The following KLHL20 variants were observed in gnomAD, a reference collection of about 807,000 sequenced individuals.
The protein encoded by KLHL20 is kelch like family member 20.
KLHL20 carries 29 observed loss-of-function variants against 69.5 expected under a neutral mutation model. That is an observed-to-expected ratio of 0.42 (90% CI 0.31 to 0.57). KLHL20 has a LOEUF of 0.57. KLHL20 is among the 20% of genes least tolerant of loss of function. The pLI is 0.18. For synonymous variants in KLHL20, 253 were observed against 265.2 expected (o/e 0.95, Z 0.45); for missense variants, 419 against 776.0 (o/e 0.54, Z 5.47).
chr1:173,773,668 A>G (rs1206151028), intron 8 of KLHL20, among the ~76,000 whole-genome samples: 1 of 152,110 alleles, frequency 6.6e-6, no homozygotes, highest in African/African-American at 2.4e-5. Context: ...AAAATACATC[A>G]GAGGCATTTC....
At chr1:173,761,511 A>C (rs1188414551) in intron 7 of KLHL20, among the ~76,000 whole-genome samples, 1 of 152,204 alleles carries the variant, frequency 6.6e-6, no homozygotes, top group African/African-American at 2.4e-5. Context: ...AATAAACTTA[A>C]GAAAATTGAA....
intron 5 of KLHL20, 77 bp from the exon 6 acceptor site, chr1:173,755,846 A>G (rs965036039): frequency 2.2e-6 from 2 of 921,592 alleles, no homozygotes; most frequent in African/African-American, 3.4e-5. Flanking sequence ...GCCAACCTAT[A>G]TATTCCTAAA....
At chr1:173,757,294 T>A in intron 7 of KLHL20, 135 bp downstream of exon 7, 1 of 767,178 alleles carries the variant, frequency 1.3e-6, no homozygotes, top group Admixed American at 2.9e-5. Flanking sequence ...CAAGTTAGTA[T>A]GATACACAAA....
chr1:173,716,729 A>C (rs774179059), intron 2 of KLHL20, among the ~76,000 whole-genome samples: 8 of 152,114 alleles, frequency 5.3e-5, no homozygotes, highest in Non-Finnish European at 8.8e-5. Context: ...TGGTTTTTAC[A>C]TTTGTTTTCT....
intron 2 of KLHL20, among the ~76,000 whole-genome samples, chr1:173,727,573 A>G (rs1049357545): frequency 6.6e-5 from 10 of 152,246 alleles, no homozygotes; most frequent in African/African-American, 2.2e-4. Flanking sequence ...TCTACAAGCC[A>G]GAAGACAGTG....
intron 2 of KLHL20, among the ~76,000 whole-genome samples, chr1:173,730,175 T>C (rs1298062055): frequency 1.3e-5 from 2 of 151,810 alleles, no homozygotes; most frequent in African/African-American, 4.8e-5. Context: ...ATGTGAAGGA[T>C]CTCTTCAAGG....
In KLHL20 at chr1:173,727,661, G is replaced by A. The variant is rs188955541; in HGVS notation, c.24-6052G>A. Among the ~76,000 whole-genome samples the A allele has an allele frequency of 5.8e-3, 877 of 152,266 alleles. 8 individuals are homozygous for A. Among genetic ancestry groups the A allele is most frequent in the African/African-American group, 0.02 (838 of 41,546 alleles). On this transcript the variant is annotated intron_variant, in intron 2 of 11. Transcript: ENST00000209884. ...TATCCAGCCAAACTAAGCTTCATAA[G>A]TGAAGGAGAAATAAGATCCTTTACA...
At chr1:173,731,029 A>G (rs1363590231) in intron 2 of KLHL20, among the ~76,000 whole-genome samples, 5 of 152,188 alleles carry the variant, frequency 3.3e-5, no homozygotes, top group Admixed American at 6.5e-5. Flanking sequence ...TACAAGAAAA[A>G]AACAACCCCA....
intron 10 of KLHL20, among the ~76,000 whole-genome samples, chr1:173,777,534 G>GGGT (rs1648549268): frequency 2.0e-5 from 3 of 152,158 alleles, no homozygotes; most frequent in Non-Finnish European, 4.4e-5. Context: ...TCTAAATGAT[G>GGGT]CTATCTGTGG....
chr1:173,782,281 T>C (rs112700895), intron 11 of KLHL20, 51 bp downstream of exon 11: 1 of 1,379,278 alleles, frequency 7.3e-7, no homozygotes, highest in Non-Finnish European at 1.0e-6. Context: ...TTGGAAATCA[T>C]GGGCTTGAAA....
chr1:173,759,059 A>G (rs1673680623), intron 7 of KLHL20, among the ~76,000 whole-genome samples: 1 of 152,096 alleles, frequency 6.6e-6, no homozygotes, highest in Non-Finnish European at 1.5e-5. Flanking sequence ...TGGGAGTGAG[A>G]CCAGCCCTTC....
intron 3 of KLHL20, 34 bp from the exon 4 acceptor site, chr1:173,751,730 G>A: frequency 6.2e-7 from 1 of 1,605,824 alleles, no homozygotes; most frequent in Non-Finnish European, 8.5e-7. Flanking sequence ...TGTGATCACA[G>A]GATTTTTTTT....
chr1:173,766,118 A>G (rs771649550), intron 7 of KLHL20, 28 bp from the exon 8 acceptor site: 13 of 1,535,304 alleles, frequency 8.5e-6, no homozygotes, highest in Middle Eastern at 1.8e-4. Flanking sequence ...GTGTAATACA[A>G]ACTCTCCTCT....
intron 3 of KLHL20, among the ~76,000 whole-genome samples, chr1:173,745,258 G>A (rs1426359965): frequency 1.2e-4 from 17 of 142,458 alleles, no homozygotes; most frequent in African/African-American, 3.9e-4. Context: ...TGCAACCTCC[G>A]TTCAAGCAAT....
intron 3 of KLHL20, among the ~76,000 whole-genome samples, chr1:173,736,627 A>C (rs1672547739): frequency 6.7e-6 from 1 of 149,322 alleles, no homozygotes; most frequent in South Asian, 2.1e-4. Context: ...ACAGAGTCTC[A>C]CTGTGTTGCC....
At chr1:173,774,559 T>C in intron 9 of KLHL20, 121 bp downstream of exon 9, 1 of 1,112,518 alleles carries the variant, frequency 9.0e-7, no homozygotes, top group Middle Eastern at 3.0e-4. Flanking sequence ...ATGCCTGATT[T>C]TTCCCTCCAG....
chr1:173,780,214 G>A (rs1046495284), intron 10 of KLHL20, among the ~76,000 whole-genome samples: 1 of 152,216 alleles, frequency 6.6e-6, no homozygotes, highest in East Asian at 1.9e-4. Context: ...CCTGTTAAGT[G>A]TTCGCTGTGT....
At chr1:173,779,328 G>T (rs1648695653) in intron 10 of KLHL20, among the ~76,000 whole-genome samples, 1 of 149,576 alleles carries the variant, frequency 6.7e-6, no homozygotes, top group Non-Finnish European at 1.5e-5. Context: ...TTTAATTAGA[G>T]AATAATTTTT....
chr1:173,734,457 T>G (rs1558189444), intron 3 of KLHL20, 171 bp downstream of exon 3: 1 of 646,816 alleles, frequency 1.5e-6, no homozygotes, highest in African/African-American at 1.8e-5. Flanking sequence ...GGCAATTTTG[T>G]GTTCTACCAG....
Sources: gnomAD v4.1 joint callset for allele counts (sites outside exome capture counted in the v4.1 genomes callset) on GRCh38, gnomAD v4.1.1 for gene constraint, MANE v1.5 for transcripts, NCBI Gene and HGNC (gene_info 2026-07-23, HGNC 2026-07-21) for gene names.